The following BLOC1S6 variants were observed in gnomAD, a reference collection of about 807,000 sequenced individuals.
The protein encoded by BLOC1S6 is biogenesis of lysosomal organelles complex 1 subunit 6.
A neutral mutation model predicts 24.7 loss-of-function variants in BLOC1S6; 24 were observed. That is an observed-to-expected ratio of 0.97 (90% CI 0.70 to 1.37). The LOEUF (loss-of-function observed/expected upper bound fraction) is 1.37. BLOC1S6 is among the 40% of genes most tolerant of loss of function. BLOC1S6 has a pLI of 0.00. For missense variants in BLOC1S6, 175 were observed against 196.2 expected, an observed-to-expected ratio of 0.89 and a Z score of 0.64; for synonymous variants, 76 against 72.6, an observed-to-expected ratio of 1.05 and a Z score of -0.23.
chr15:45,596,062 A>G (rs954123366), intron 2 of BLOC1S6, among the ~76,000 whole-genome samples: 1 of 152,142 alleles, frequency 6.6e-6, no homozygotes, highest in Admixed American at 6.5e-5. Context: ...CGGCCTCCCA[A>G]AGTGCTGGGA....
intron 2 of BLOC1S6, chr15:45,599,501 C>T (rs1894192889): frequency 7.4e-6 from 1 of 134,576 alleles, no homozygotes; most frequent in Non-Finnish European, 1.5e-5. Flanking sequence ...AAAAACAACC[C>T]CATCAAAAAG....
intron 3 of BLOC1S6, 67 bp from the exon 4 acceptor site, chr15:45,605,361 C>T: frequency 7.8e-7 from 1 of 1,277,678 alleles, no homozygotes; most frequent in Admixed American, 1.8e-5. Context: ...TATATATTGC[C>T]TTATTTATTC....
chr15:45,603,039 T>C, intron 2 of BLOC1S6, 61 bp from the exon 3 acceptor site: 2 of 1,140,870 alleles, frequency 1.8e-6, no homozygotes, highest in Non-Finnish European at 2.6e-6. Context: ...ATATGATTCC[T>C]TTTAATGGAC....
intron 1 of BLOC1S6, among the ~76,000 whole-genome samples, chr15:45,591,183 T>C (rs1893871169): frequency 1.3e-5 from 2 of 152,216 alleles, no homozygotes; most frequent in Non-Finnish European, 2.9e-5. Flanking sequence ...GAAGAAATTC[T>C]TAGAAAATCC....
In BLOC1S6 at chr15:45,608,341, TA is replaced by T; in HGVS notation, c.*1831del. On this transcript the variant is annotated 3_prime_UTR_variant, in exon 5 of 5. Coordinates refer to ENST00000220531, the MANE Select transcript of BLOC1S6 (RefSeq NM_012388.4). ...CTGAGTGTTGCCCTCAAACACTTGC[TA>T]AAACTGCCTAGGGCAGGATTCATTA... is the stretch of plus-strand genomic sequence containing the variant. 1 of 152,248 alleles carries T rather than the reference TA, an allele frequency of 6.6e-6. No homozygotes were observed. The highest frequency in any genetic ancestry group is 2.1e-4 in the South Asian group (1 of 4,836). 9.4% of individuals were successfully genotyped at this position (152,248 alleles called of 1,614,324 possible).
chr15:45,597,213 A>T (rs115024501), intron 2 of BLOC1S6, among the ~76,000 whole-genome samples: 178 of 152,288 alleles, frequency 1.2e-3, no homozygotes, highest in African/African-American at 4.2e-3. Context: ...GTGGTGGTTG[A>T]TGCTGGTAAT....
chr15:45,601,062 A>T (rs1894253191), intron 2 of BLOC1S6, among the ~76,000 whole-genome samples: 1 of 152,314 alleles, frequency 6.6e-6, no homozygotes, highest in Admixed American at 6.5e-5. Flanking sequence ...GTTTTTTCCT[A>T]TACTTACATA....
chr15:45,595,431 T>C (rs1894037381), intron 2 of BLOC1S6, among the ~76,000 whole-genome samples: 1 of 152,200 alleles, frequency 6.6e-6, no homozygotes, highest in Non-Finnish European at 1.5e-5. Context: ...AATTCTTTGT[T>C]AGATAACAGG....
intron 2 of BLOC1S6, among the ~76,000 whole-genome samples, chr15:45,595,489 A>G (rs1453559623): frequency 3.3e-5 from 5 of 152,032 alleles, no homozygotes; most frequent in Non-Finnish European, 7.4e-5. Context: ...TGTTTTTCTT[A>G]TTGTTGAGTT....
intron 2 of BLOC1S6, among the ~76,000 whole-genome samples, chr15:45,592,837 C>T (rs1037817018): frequency 1.1e-4 from 16 of 152,128 alleles, no homozygotes; most frequent in Non-Finnish European, 2.2e-4. Context: ...TTTATCAGCT[C>T]CCATCCACAG....
chr15:45,589,133 G>GA (rs1893793112), intron 1 of BLOC1S6, among the ~76,000 whole-genome samples: 1 of 152,204 alleles, frequency 6.6e-6, no homozygotes. Flanking sequence ...ATCTATGGGG[G>GA]ACTGGTTAAA....
intron 1 of BLOC1S6, among the ~76,000 whole-genome samples, chr15:45,588,988 G>A (rs1447802657): frequency 6.6e-6 from 1 of 152,194 alleles, no homozygotes; most frequent in East Asian, 1.9e-4. Flanking sequence ...TTTAAAAAAT[G>A]CATAAACTCT....
rs866365617 is a variant in BLOC1S6, at chr15:45,600,187, G to C, written c.225-2913G>C. ...CACACTCTGGGGACTGTGGTGGGGT[G>C]GGGGGAGGGGGGAGGGATAGCATTG... On this transcript the variant is annotated intron_variant, in intron 2 of 4. Coordinates refer to ENST00000220531, the MANE Select transcript of BLOC1S6 (RefSeq NM_012388.4). 7.4e-4 allele frequency among the ~76,000 whole-genome samples: 86 copies of C among 115,600 alleles called. 1 individual carries two copies. The highest frequency in any genetic ancestry group is 7.1e-4 in the South Asian group (2 of 2,806). The allele number at this position is 115,600 out of a possible 152,430, so 75.8% of individuals were successfully genotyped here.
intron 2 of BLOC1S6, chr15:45,602,270 C>G (rs912260278): frequency 3.3e-6 from 2 of 606,480 alleles, no homozygotes; most frequent in Non-Finnish European, 5.9e-6. Context: ...TTGCCCTGAG[C>G]CTGTTCGTTG....
chr15:45,604,264 A>G (rs78934830), intron 3 of BLOC1S6, among the ~76,000 whole-genome samples: 14,417 of 152,106 alleles, frequency 0.095, 2,326 homozygotes, highest in African/African-American at 0.33. Context: ...CCTCAAAAAA[A>G]TGGACTTTTC....
intron 2 of BLOC1S6, among the ~76,000 whole-genome samples, chr15:45,600,967 C>T (rs1329475861): frequency 6.6e-6 from 1 of 152,086 alleles, no homozygotes; most frequent in African/African-American, 2.4e-5. Flanking sequence ...CACATGAGGT[C>T]AGGTGGGTCA....
intron 2 of BLOC1S6, chr15:45,598,086 C>T (rs925711996): frequency 1.3e-5 from 2 of 157,814 alleles, no homozygotes; most frequent in African/African-American, 4.8e-5. Flanking sequence ...AAGACAAAAA[C>T]CACATGATTA....
chr15:45,594,333 A>T (rs887028228), intron 2 of BLOC1S6, among the ~76,000 whole-genome samples: 6 of 152,182 alleles, frequency 3.9e-5, no homozygotes, highest in African/African-American at 1.2e-4. Context: ...ATTGGAAACT[A>T]AAAAAACAAG....
At chr15:45,603,038 C>G in intron 2 of BLOC1S6, 62 bp from the exon 3 acceptor site, 1 of 1,116,360 alleles carries the variant, frequency 9.0e-7, no homozygotes, top group Non-Finnish European at 1.4e-6. Flanking sequence ...AATATGATTC[C>G]TTTTAATGGA....
Sources: allele counts gnomAD v4.1 joint callset (sites outside exome capture counted in the v4.1 genomes callset), GRCh38; gene constraint gnomAD v4.1.1; transcripts MANE v1.5; gene names NCBI Gene and HGNC (gene_info 2026-07-23, HGNC 2026-07-21).